GNG7: variants seen among roughly 807,000 people sequenced by gnomAD.
GNG7 encodes guanine nucleotide-binding protein G(I)/G(S)/G(O) subunit gamma-7.
Under a neutral mutation model 4.0 loss-of-function variants are expected in GNG7, and 1 was observed. That is an observed-to-expected ratio of 0.25 (90% CI 0.09 to 1.18). The LOEUF (loss-of-function observed/expected upper bound fraction) is 1.18. Among genes scored for constraint, GNG7 ranks in the 50% most tolerant of loss-of-function variants. GNG7 has a pLI of 0.50. For missense variants in GNG7, 86 were observed against 91.9 expected (o/e 0.94, Z 0.26); for synonymous variants, 34 against 36.9 (o/e 0.92, Z 0.29).
chr19:2,661,321 AAAG>A (rs1983166707), intron 1 of GNG7, among the ~76,000 whole-genome samples: 1 of 142,190 alleles, frequency 7.0e-6, no homozygotes, highest in Admixed American at 7.0e-5. Flanking sequence ...AGAAAGAAAG[AAAG>A]AAAGAAAGAA....
intron 2 of GNG7, chr19:2,631,829 G>C (rs1158113627): frequency 6.6e-6 from 1 of 152,240 alleles, no homozygotes; most frequent in Non-Finnish European, 1.5e-5. Flanking sequence ...CACAGTTTTC[G>C]ACCCCGGCTT....
chr19:2,536,123 AAAAAG>A (rs781576782), intron 3 of GNG7, among the ~76,000 whole-genome samples: 4 of 151,950 alleles, frequency 2.6e-5, no homozygotes, highest in Non-Finnish European at 4.4e-5. Context: ...GACATATCTC[AAAAAG>A]AAAAGAAGGC....
chr19:2,686,063 T>C (rs1358389285), intron 1 of GNG7, among the ~76,000 whole-genome samples: 1 of 152,026 alleles, frequency 6.6e-6, no homozygotes, highest in African/African-American at 2.4e-5. Context: ...AGAGCGAGAA[T>C]GTGGACCCAG....
chr19:2,661,484 C>A (rs1047424799), intron 1 of GNG7, among the ~76,000 whole-genome samples: 1 of 151,300 alleles, frequency 6.6e-6, no homozygotes, highest in African/African-American at 2.4e-5. Flanking sequence ...CACAGTGAAA[C>A]CCTATCTCTA....
At chr19:2,563,898 T>C (rs1979821825) in intron 2 of GNG7, among the ~76,000 whole-genome samples, 1 of 152,072 alleles carries the variant, frequency 6.6e-6, no homozygotes, top group African/African-American at 2.4e-5. Context: ...CCAGAGAGGA[T>C]TTGAAGCTCA....
At chr19:2,561,779 G>A (rs529046261) in intron 2 of GNG7, among the ~76,000 whole-genome samples, 212 of 152,078 alleles carry the variant, frequency 1.4e-3, no homozygotes, top group African/African-American at 4.9e-3. Flanking sequence ...TACTCGGGAG[G>A]CTGAGGCAGG....
At chr19:2,643,637 G>T in intron 2 of GNG7, 1 of 455,186 alleles carries the variant, frequency 2.2e-6, no homozygotes, top group Non-Finnish European at 4.4e-6. Flanking sequence ...ACCTCTCCGG[G>T]CTCTGCACAC....
At position 2,618,756 on chromosome 19, in the gene GNG7, G is replaced by A. The variant is rs993957607; in HGVS notation, c.-78+27468C>T. Among the ~76,000 whole-genome samples, 13 of 152,050 alleles carry A rather than the reference G, an allele frequency of 8.5e-5. No homozygotes were observed. The highest frequency in any genetic ancestry group is 1.9e-4 in the Non-Finnish European group (13 of 68,020). On this transcript the variant is annotated intron_variant, in intron 2 of 4. Transcript: ENST00000382159. This position sits in a 1 kb window ranked among gnomAD's most constrained non-coding sequence, Gnocchi z 5.1. ...CACGCCTCACCAGCTTCCTCTTCAG[G>A]GGCCACCCTGTGTAACCACAGGGCA...
intron 2 of GNG7, among the ~76,000 whole-genome samples, chr19:2,623,501 G>A (rs1247284794): frequency 6.6e-6 from 1 of 152,196 alleles, no homozygotes; most frequent in Non-Finnish European, 1.5e-5. Flanking sequence ...ATATTACTCA[G>A]CCATGAAAAG....
In GNG7 at chr19:2,617,637, C is replaced by T. The variant is rs1981756122; in HGVS notation, c.-78+28587G>A. 6.6e-6 allele frequency among the ~76,000 whole-genome samples: 1 copy of T among 152,164 alleles called. No homozygotes were observed. The highest frequency in any genetic ancestry group is 6.6e-5 in the Admixed American group (1 of 15,262). Reference sequence around the variant, plus strand: ...CCTGCAGGGGTTGGCAAGGATGTCCCCTCCTTAGAGACCTTCCTGGACACC... The same window carrying T: ...CCTGCAGGGGTTGGCAAGGATGTCCTCTCCTTAGAGACCTTCCTGGACACC... On this transcript the variant is annotated intron_variant, in intron 2 of 4. Transcript: ENST00000382159. The surrounding 1 kb of genome is among the most constrained non-coding windows in gnomAD (Gnocchi z 4.7).
At chr19:2,565,179 G>A (rs181608375) in intron 2 of GNG7, among the ~76,000 whole-genome samples, 2 of 152,212 alleles carry the variant, frequency 1.3e-5, no homozygotes, top group East Asian at 1.9e-4. Flanking sequence ...GAAAACACAC[G>A]TGCAACCCTC....
rs373594931 is a variant in GNG7, at chr19:2,626,658, C to T, written c.-78+19566G>A. On this transcript the variant is annotated intron_variant, in intron 2 of 4. Transcript: ENST00000382159. The surrounding 1 kb of genome is among the most constrained non-coding windows in gnomAD (Gnocchi z 5.0). ...GTGGGCACCTGCTTTCACTCTTGGG[C>T]GGTGTTGTCTTCATCGGTTCACTCA... is the stretch of plus-strand genomic sequence containing the variant. 6.6e-6 allele frequency among the ~76,000 whole-genome samples: 1 copy of T among 152,168 alleles called. No individual in the cohort carries two copies. Among genetic ancestry groups the T allele is most frequent in the Non-Finnish European group, 1.5e-5 (1 of 68,026 alleles).
intron 2 of GNG7, among the ~76,000 whole-genome samples, chr19:2,630,516 GC>G (rs2144841705): frequency 6.6e-6 from 1 of 152,248 alleles, no homozygotes; most frequent in Non-Finnish European, 1.5e-5. Flanking sequence ...AGCATGAGGG[GC>G]CTATGGAGAA....
intron 1 of GNG7, among the ~76,000 whole-genome samples, chr19:2,658,836 G>T (rs563707481): frequency 1.3e-5 from 2 of 152,148 alleles, no homozygotes; most frequent in Non-Finnish European, 2.9e-5. Flanking sequence ...GTACCTTTTC[G>T]GGGAGAGGAG....
At chr19:2,577,232 G>A (rs900006388) in intron 2 of GNG7, among the ~76,000 whole-genome samples, 1 of 152,210 alleles carries the variant, frequency 6.6e-6, no homozygotes, top group African/African-American at 2.4e-5. Context: ...AGCCAAGCCA[G>A]GGCCTCTGTT....
intron 2 of GNG7, among the ~76,000 whole-genome samples, chr19:2,559,016 C>G (rs1313325768): frequency 1.3e-5 from 2 of 151,822 alleles, no homozygotes; most frequent in Non-Finnish European, 2.9e-5. Context: ...CCAGGCTGGT[C>G]TCAAACTCCT....
At chr19:2,592,741 A>G (rs1248428224) in intron 2 of GNG7, among the ~76,000 whole-genome samples, 1 of 62,906 alleles carries the variant, frequency 1.6e-5, no homozygotes, top group Non-Finnish European at 2.9e-5. Context: ...AGAGGGAAGG[A>G]AGGGGAGGGG....
At chr19:2,598,322 G>C (rs1176211895) in intron 2 of GNG7, among the ~76,000 whole-genome samples, 3 of 152,040 alleles carry the variant, frequency 2.0e-5, no homozygotes, top group Non-Finnish European at 4.4e-5. Context: ...TCAGGAGTTC[G>C]AGACCAGCCT....
intron 3 of GNG7, among the ~76,000 whole-genome samples, chr19:2,545,189 G>A (rs1236216943): frequency 1.3e-5 from 2 of 149,744 alleles, no homozygotes; most frequent in African/African-American, 4.9e-5. Context: ...GCTGTCTGGC[G>A]ACATCTGTGG....
Sources: allele counts gnomAD v4.1 joint callset (sites outside exome capture counted in the v4.1 genomes callset), GRCh38; gene constraint gnomAD v4.1.1; non-coding constraint Gnocchi (gnomAD v3.1); transcripts MANE v1.5; gene names NCBI Gene and HGNC (gene_info 2026-07-23, HGNC 2026-07-21).